Variants in SAFB2 observed in about 807,000 individuals in gnomAD.
The protein encoded by SAFB2 is scaffold attachment factor B2.
A neutral mutation model predicts 100.6 loss-of-function variants in SAFB2; 32 were observed. The ratio of observed to expected loss-of-function variants is 0.32; its 90% CI spans 0.24 to 0.43. SAFB2 has a LOEUF of 0.43. Among genes scored for constraint, SAFB2 ranks in the 20% least tolerant of loss-of-function variants. SAFB2 has a pLI of 1.00. For synonymous variants in SAFB2, 500 were observed against 439.4 expected, an observed-to-expected ratio of 1.14 and a Z score of -1.72; for missense variants, 1,185 against 1,163.4, an observed-to-expected ratio of 1.02 and a Z score of -0.27.
chr19:5,605,414 A>G (rs2052754606), intron 9 of SAFB2, among the ~76,000 whole-genome samples: 1 of 152,074 alleles, frequency 6.6e-6, no homozygotes, highest in African/African-American at 2.4e-5. Flanking sequence ...CACTAAATAC[A>G]ACTGCTTTTA....
Position 5,598,825 on chromosome 19 carries a change from T to C in SAFB2, c.1750A>G (p.Ser584Gly), listed in dbSNP as rs771827619. The change falls in exon 13 of 21, where the codon AGC becomes GGC. Residue 584 changes from serine to glycine, a missense_variant. Transcript: ENST00000252542. ...TTGGACCTGCTTGTGGTTTTCACGC[T>C]AATGACGGGCTCTCCTTTCGATTTA... The part of the protein sequence containing the change: ...MDKSKGEPVI[S>G]VKTTSRSKER... The C allele has an allele frequency of 6.2e-7, 1 of 1,614,200 alleles. No homozygotes were observed. Among genetic ancestry groups the C allele is most frequent in the Non-Finnish European group, 8.5e-7 (1 of 1,180,046 alleles).
Position 5,598,822 on chromosome 19 carries a change from C to G in SAFB2, c.1753G>C (p.Val585Leu), listed in dbSNP as rs778514046. 23 of 1,614,048 alleles carry G rather than the reference C, an allele frequency of 1.4e-5. No individual in the cohort carries two copies. In the East Asian group the frequency reaches 4.7e-4, roughly 33 times the overall value. The change falls in exon 13 of 21, where the codon GTG becomes CTG. Residue 585 changes from valine (V) to leucine (L), a missense_variant. Physicochemically the swap from Val to Leu is conservative, Grantham distance 32. Transcript: ENST00000252542. ...TCTTTGGACCTGCTTGTGGTTTTCA[C>G]GCTAATGACGGGCTCTCCTTTCGAT... ...DKSKGEPVIS[V>L]KTTSRSKERS...
chr19:5,607,312 GC>G (rs1298842141), intron 9 of SAFB2, among the ~76,000 whole-genome samples: 1 of 152,018 alleles, frequency 6.6e-6, no homozygotes. Context: ...ACTGTTCAAA[GC>G]AAAAAAGCCA....
intron 13 of SAFB2, among the ~76,000 whole-genome samples, chr19:5,595,984 G>A (rs1396293869): frequency 6.6e-6 from 1 of 152,224 alleles, no homozygotes; most frequent in Admixed American, 6.5e-5. Flanking sequence ...AATATGCCAG[G>A]CCGGGCGCAG....
intron 18 of SAFB2, among the ~76,000 whole-genome samples, chr19:5,589,666 G>A (rs2052345752): frequency 6.6e-6 from 1 of 152,152 alleles, no homozygotes; most frequent in South Asian, 2.1e-4. Flanking sequence ...GAGGCACCCA[G>A]AGTCCTCCCA....
intron 18 of SAFB2, among the ~76,000 whole-genome samples, chr19:5,590,040 G>C (rs1334401608): frequency 6.6e-6 from 1 of 152,190 alleles, no homozygotes; most frequent in Non-Finnish European, 1.5e-5. Flanking sequence ...CCCAGCTCAA[G>C]AATGGGGATG....
At chr19:5,593,804 A>C in intron 15 of SAFB2, 87 bp downstream of exon 15, 1 of 1,303,958 alleles carries the variant, frequency 7.7e-7, no homozygotes, top group Non-Finnish European at 1.0e-6. Flanking sequence ...ACCGACAGGG[A>C]CGGAAGGGAA....
At position 5,590,374 on chromosome 19, in the gene SAFB2, G is replaced by T; in HGVS notation, c.2429C>A (p.Pro810His). Reference sequence around the variant, plus strand: ...GGAGTCCCGGCCGTGGCGCTCTGGGGGTCCTCCGTGGCCATGGCGGTCATC... The same window carrying T: ...GGAGTCCCGGCCGTGGCGCTCTGGGTGTCCTCCGTGGCCATGGCGGTCATC... Reference protein sequence around the residue: ...YGDDRHGHGGPPERHGRDSRD... With the variant: ...YGDDRHGHGGHPERHGRDSRD... Residue 810 changes from proline to histidine, a missense_variant, in exon 18 of 21, where the codon CCC (proline) becomes CAC (histidine). Physicochemically the swap from Pro to His is moderately conservative, Grantham distance 77. This residue lies in a region of SAFB2 where 740 missense variants were observed against 687.1 expected (regional missense o/e 1.08). Transcript: ENST00000252542. The T allele has an allele frequency of 6.2e-7, 1 of 1,611,692 alleles. No individual in the cohort carries two copies. Among genetic ancestry groups the T allele is most frequent in the African/African-American group, 1.3e-5 (1 of 75,012 alleles).
intron 18 of SAFB2, 67 bp from the exon 19 acceptor site, chr19:5,588,047 A>T: frequency 7.3e-7 from 1 of 1,377,154 alleles, no homozygotes; most frequent in Non-Finnish European, 9.9e-7. Flanking sequence ...CAGCAGGCGC[A>T]CCCACCCTGA....
intron 9 of SAFB2, among the ~76,000 whole-genome samples, chr19:5,605,770 A>G (rs532414309): frequency 1.6e-4 from 25 of 152,346 alleles, no homozygotes; most frequent in African/African-American, 5.8e-4. Flanking sequence ...CCTGGACATC[A>G]GGCTGCCCAA....
rs979677941 is a variant in SAFB2, at chr19:5,600,331, C to T, written c.1560-71G>A. 14 of 1,576,666 alleles carry T rather than the reference C, an allele frequency of 8.9e-6. No individual in the cohort carries two copies. The African/African-American group carries it at 9.6e-5, about 11-fold the overall frequency. ...AACAGGAACGGCTCACCCAGAGCCT[C>T]GACTCACACATACTCAGACGTCCAC... On this transcript the variant is annotated intron_variant, in intron 11 of 20. Transcript: ENST00000252542.
chr19:5,593,822 T>C, intron 15 of SAFB2, 69 bp downstream of exon 15: 2 of 1,368,646 alleles, frequency 1.5e-6, no homozygotes, highest in Non-Finnish European at 1.9e-6. Context: ...GAAGCCGCTG[T>C]TCTGCTGGAA....
chr19:5,612,356 C>A, intron 6 of SAFB2, 184 bp downstream of exon 6: 1 of 628,420 alleles, frequency 1.6e-6, no homozygotes, highest in Non-Finnish European at 2.8e-6. Flanking sequence ...CTCAAGAAGC[C>A]AGAATGGCTC....
At position 5,610,539 on chromosome 19, in the gene SAFB2, A is replaced by T. The variant is rs1356750629; in HGVS notation, c.1195+100T>A. On this transcript the variant is annotated intron_variant, in intron 8 of 20. Transcript: ENST00000252542. ...GTGGTTGATTCCGGTAACCCATAAC[A>T]AAACAAATTACTGAATCCAAAGTGT... The T allele has an allele frequency of 2.1e-5, 19 of 903,504 alleles. 1 individual carries two copies. The Middle Eastern group carries it at 1.3e-3, about 61-fold the overall frequency. The allele number at this position is 903,504 out of a possible 1,614,324, so 56.0% of individuals were successfully genotyped here.
intron 11 of SAFB2, among the ~76,000 whole-genome samples, chr19:5,602,411 C>T (rs573303940): frequency 3.1e-5 from 4 of 128,224 alleles, no homozygotes; most frequent in Non-Finnish European, 4.7e-5. Context: ...ACCCGGGAGG[C>T]GGAGCTTGCA....
intron 4 of SAFB2, among the ~76,000 whole-genome samples, chr19:5,615,260 C>G (rs2053000742): frequency 6.6e-6 from 1 of 151,992 alleles, no homozygotes. Flanking sequence ...GAGGCTGAGG[C>G]AGGAGAATTG....
At chr19:5,616,660 T>C (rs2053040047) in intron 2 of SAFB2, among the ~76,000 whole-genome samples, 174 bp from the exon 3 acceptor site, 2 of 139,572 alleles carry the variant, frequency 1.4e-5, no homozygotes, top group African/African-American at 5.4e-5. Context: ...TTTTTTTTTT[T>C]TTTTTTTTTG....
chr19:5,588,161 G>A (rs1490829068), intron 18 of SAFB2, among the ~76,000 whole-genome samples, 181 bp from the exon 19 acceptor site: 7 of 152,144 alleles, frequency 4.6e-5, no homozygotes, highest in South Asian at 2.1e-4. Context: ...TAGTAAGCAC[G>A]TGAGAAGGTG....
Position 5,604,574 on chromosome 19 carries a change from T to A in SAFB2, c.1559+9A>T. 6.2e-7 allele frequency: 1 copy of A among 1,610,034 alleles called. No homozygotes were observed. The highest frequency in any genetic ancestry group is 8.5e-7 in the Non-Finnish European group (1 of 1,176,676). The stretch of plus-strand genomic sequence containing the variant: ...GGATTCCAAGAGGAGGTTTGAAAAT[T>A]CACTTTACTTTTCAATTTTGATCTC... On this transcript the variant is annotated intron_variant, in intron 11 of 20. Coordinates refer to ENST00000252542, the MANE Select transcript of SAFB2 (RefSeq NM_014649.3).
Sources: allele counts gnomAD v4.1 joint callset (sites outside exome capture counted in the v4.1 genomes callset), GRCh38; gene constraint gnomAD v4.1.1; regional missense constraint gnomAD v4.1.1; transcripts MANE v1.5; gene names NCBI Gene and HGNC (gene_info 2026-07-23, HGNC 2026-07-21).